Variants in DCX observed in about 807,000 individuals in gnomAD.
The protein encoded by DCX is neuronal migration protein doublecortin.
A neutral mutation model predicts 20.9 loss-of-function variants in DCX; 4 were observed. That is an observed-to-expected ratio of 0.19 (90% CI 0.09 to 0.44). DCX has a LOEUF of 0.44. Among genes scored for constraint, DCX ranks in the 20% least tolerant of loss-of-function variants. The probability of loss-of-function intolerance (pLI) is 0.99; values close to 1 mark genes in which losing one functional copy is unlikely to be tolerated. For missense variants in DCX, 133 were observed against 296.9 expected, an observed-to-expected ratio of 0.45 and a Z score of 4.06; for synonymous variants, 103 against 111.4, an observed-to-expected ratio of 0.92 and a Z score of 0.47.
intron 3 of DCX, among the ~76,000 whole-genome samples, chrX:111,335,026 A>G (rs1207808929): frequency 8.9e-6 from 1 of 111,937 alleles, no homozygotes; most frequent in Non-Finnish European, 1.9e-5. Context: ...ACCTTGGCTC[A>G]ATAAAACACA....
At chrX:111,395,877 G>A (rs1927279323) in intron 3 of DCX, among the ~76,000 whole-genome samples, 1 of 112,306 alleles carries the variant, frequency 8.9e-6, no homozygotes, top group South Asian at 3.7e-4. Context: ...CTCTGAGAGA[G>A]CCGGAGGCCA....
intron 2 of DCX, among the ~76,000 whole-genome samples, chrX:111,403,897 T>C (rs953501056): frequency 9.1e-6 from 1 of 109,327 alleles, no homozygotes; most frequent in Non-Finnish European, 1.9e-5. Context: ...AATACAAAAA[T>C]TAGCTGGGCG....
At chrX:111,368,119 C>T (rs1337010836) in intron 3 of DCX, among the ~76,000 whole-genome samples, 1 of 111,340 alleles carries the variant, frequency 9.0e-6, no homozygotes, top group East Asian at 2.8e-4. Flanking sequence ...CTAGGCCTGC[C>T]ATTTCTGTTT....
chrX:111,315,143 G>A (rs2095066870), intron 5 of DCX, among the ~76,000 whole-genome samples: 1 of 108,997 alleles, frequency 9.2e-6, no homozygotes, highest in Non-Finnish European at 1.9e-5. Context: ...TTTGTATAAG[G>A]TGTAAGGAAG....
intron 6 of DCX, among the ~76,000 whole-genome samples, chrX:111,308,577 C>T (rs1325718501): frequency 9.0e-6 from 1 of 111,164 alleles, no homozygotes; most frequent in East Asian, 2.8e-4. Context: ...CCCAAAGCCA[C>T]TTATATTAGA....
intron 3 of DCX, among the ~76,000 whole-genome samples, chrX:111,334,766 C>T (rs1361663931): frequency 8.9e-6 from 1 of 111,971 alleles, no homozygotes; most frequent in Non-Finnish European, 1.9e-5. Flanking sequence ...CAGGCCATGA[C>T]TTCATGGAGC....
chrX:111,368,901 TACACACACACAC>T (rs200777698), intron 3 of DCX, among the ~76,000 whole-genome samples: 1 of 98,263 alleles, frequency 1.0e-5, no homozygotes, highest in African/African-American at 3.8e-5. Flanking sequence ...TATATATACA[TACACACACACAC>T]ACACACACAC....
chrX:111,359,818 C>T (rs1924053260), intron 3 of DCX, among the ~76,000 whole-genome samples: 1 of 111,698 alleles, frequency 9.0e-6, no homozygotes, highest in Non-Finnish European at 1.9e-5. Flanking sequence ...TTATTGTTTA[C>T]CCACCAGACT....
intron 6 of DCX, among the ~76,000 whole-genome samples, chrX:111,305,814 G>A (rs1174969271): frequency 1.8e-5 from 2 of 110,548 alleles, no homozygotes; most frequent in Non-Finnish European, 3.8e-5. Context: ...GAAAGAAACA[G>A]AGCTATGCTA....
chrX:111,318,506 T>C (rs1182100888), intron 5 of DCX, among the ~76,000 whole-genome samples: 2 of 110,537 alleles, frequency 1.8e-5, no homozygotes, highest in Admixed American at 9.7e-5. Flanking sequence ...TGTATAATCA[T>C]TGTAGCACTA....
intron 2 of DCX, among the ~76,000 whole-genome samples, chrX:111,408,634 GA>G (rs1232990707): frequency 2.5e-4 from 11 of 44,595 alleles, no homozygotes; most frequent in African/African-American, 1.1e-3. Flanking sequence ...AAAGAAAAGA[GA>G]AAGAAAGAAA....
intron 3 of DCX, among the ~76,000 whole-genome samples, chrX:111,376,270 G>A (rs1281121311): frequency 8.9e-6 from 1 of 112,015 alleles, no homozygotes. Flanking sequence ...GTGGTAAGAT[G>A]AAGCATGCAT....
chrX:111,301,851 A>G, intron 6 of DCX, 108 bp from the exon 7 acceptor site: 1 of 723,933 alleles, frequency 1.4e-6, no homozygotes, highest in Non-Finnish European at 2.1e-6. Context: ...ACAACATAAT[A>G]ATTATAGATT....
At chrX:111,329,410 G>C (rs759577546) in intron 5 of DCX, among the ~76,000 whole-genome samples, 4 of 111,711 alleles carry the variant, frequency 3.6e-5, no homozygotes, top group African/African-American at 1.3e-4. Flanking sequence ...ACTATGCTCT[G>C]CACTGATGAT....
intron 3 of DCX, among the ~76,000 whole-genome samples, chrX:111,348,121 C>T (rs1427645993): frequency 8.9e-6 from 1 of 111,881 alleles, no homozygotes; most frequent in Non-Finnish European, 1.9e-5. Flanking sequence ...TACAAGGTCA[C>T]ATTGCTGGCT....
At chrX:111,321,635 G>C (rs1161736158) in intron 5 of DCX, among the ~76,000 whole-genome samples, 3 of 111,313 alleles carry the variant, frequency 2.7e-5, no homozygotes, top group Non-Finnish European at 5.7e-5. Flanking sequence ...TCCAGTTTTT[G>C]GTGCGAGTGG....
chrX:111,378,249 T>C (rs1167690645), intron 3 of DCX, among the ~76,000 whole-genome samples: 1 of 111,939 alleles, frequency 8.9e-6, no homozygotes, highest in African/African-American at 3.2e-5. Context: ...AATATGTAGC[T>C]AGTGTTGAGA....
chrX:111,310,326 C>G (rs1235239031), intron 6 of DCX, among the ~76,000 whole-genome samples: 2 of 109,389 alleles, frequency 1.8e-5, no homozygotes, highest in African/African-American at 6.7e-5. Context: ...GAGCGAGACT[C>G]CATCTCAAAA....
intron 3 of DCX, among the ~76,000 whole-genome samples, chrX:111,392,185 T>C (rs1927003875): frequency 9.0e-6 from 1 of 111,667 alleles, no homozygotes; most frequent in African/African-American, 3.3e-5. Flanking sequence ...AAAAAGATTG[T>C]GAATTTCTTT....
Sources: gnomAD v4.1 joint callset for allele counts (sites outside exome capture counted in the v4.1 genomes callset) on GRCh38, gnomAD v4.1.1 for gene constraint, MANE v1.5 for transcripts, NCBI Gene and HGNC (gene_info 2026-07-23, HGNC 2026-07-21) for gene names.